MYBPC1: variants seen among roughly 807,000 people sequenced by gnomAD.
MYBPC1 encodes myosin-binding protein C, slow-type.
MYBPC1 carries 52 observed loss-of-function variants against 147.1 expected under a neutral mutation model. The ratio of observed to expected loss-of-function variants is 0.35; its 90% CI spans 0.28 to 0.45. The LOEUF (loss-of-function observed/expected upper bound fraction) is 0.45. Among genes scored for constraint, MYBPC1 ranks in the 20% least tolerant of loss-of-function variants. The pLI, the probability that MYBPC1 is intolerant of heterozygous loss-of-function variation, is 1.00. For missense variants in MYBPC1, 1,228 were observed against 1,440.3 expected, an observed-to-expected ratio of 0.85 and a Z score of 2.39; for synonymous variants, 477 against 475.9, an observed-to-expected ratio of 1.00 and a Z score of -0.03.
intron 8 of MYBPC1, among the ~76,000 whole-genome samples, chr12:101,633,689 CAA>C (rs757570762): frequency 4.0e-5 from 5 of 123,894 alleles, no homozygotes; most frequent in Admixed American, 8.0e-5. Flanking sequence ...TCCGTCTCAA[CAA>C]AAAAAAAAAA....
chr12:101,653,070 A>G (rs759470178), intron 17 of MYBPC1, 45 bp from the exon 18 acceptor site: 1 of 1,599,998 alleles, frequency 6.3e-7, no homozygotes, highest in South Asian at 1.1e-5. Context: ...AGATATTTAC[A>G]CAGAAATGAC....
At chr12:101,688,657 C>G (rs1001717782), downstream of MYBPC1, among the ~76,000 whole-genome samples, 15 of 152,056 alleles carry the variant, frequency 9.9e-5, 1 homozygote, top group South Asian at 2.7e-3. Flanking sequence ...TAGCTTGCAA[C>G]TTGATAAATA....
At chr12:101,659,238 A>G (rs989615095) in intron 18 of MYBPC1, among the ~76,000 whole-genome samples, 3 of 152,198 alleles carry the variant, frequency 2.0e-5, no homozygotes, top group East Asian at 1.9e-4. Context: ...ACAAATCATT[A>G]TTTAGTTTCT....
intron 4 of MYBPC1, 45 bp downstream of exon 4, chr12:101,626,955 T>C (rs1313617639): frequency 4.5e-6 from 7 of 1,545,624 alleles, no homozygotes; most frequent in Non-Finnish European, 6.3e-6. Context: ...AATATATTAT[T>C]CATTGACGGT....
At chr12:101,660,179 A>G in intron 19 of MYBPC1, 1 of 364,434 alleles carries the variant, frequency 2.7e-6, no homozygotes, top group Non-Finnish European at 5.3e-6. Flanking sequence ...CCAAAGCTGA[A>G]TAAAATGAGT....
intron 18 of MYBPC1, among the ~76,000 whole-genome samples, chr12:101,659,223 A>G (rs138582575): frequency 6.6e-6 from 1 of 152,362 alleles, no homozygotes; most frequent in Non-Finnish European, 1.5e-5. Flanking sequence ...CATCTAAGAA[A>G]ATGAACAAAT....
chr12:101,671,721 C>T (rs1898776949), intron 24 of MYBPC1, among the ~76,000 whole-genome samples: 1 of 152,178 alleles, frequency 6.6e-6, no homozygotes, highest in African/African-American at 2.4e-5. Context: ...CACAACTAAT[C>T]CCAGTTCCCA....
At chr12:101,609,155 C>T (rs1413758441) in intron 1 of MYBPC1, among the ~76,000 whole-genome samples, 1 of 152,150 alleles carries the variant, frequency 6.6e-6, no homozygotes, top group Admixed American at 6.5e-5. Flanking sequence ...AGGGTTCCCA[C>T]TCACATTTGA....
chr12:101,625,437 C>T (rs1000804135), intron 3 of MYBPC1, among the ~76,000 whole-genome samples: 2 of 152,224 alleles, frequency 1.3e-5, no homozygotes, highest in African/African-American at 2.4e-5. Flanking sequence ...TTCTACCACA[C>T]GATAAATAAC....
At chr12:101,624,719 G>A (rs113946796) in intron 3 of MYBPC1, among the ~76,000 whole-genome samples, 4,150 of 92,198 alleles carry the variant, frequency 0.045, 253 homozygotes, top group African/African-American at 0.15. Context: ...TACGGAGAGA[G>A]TCTTGTTATG....
At chr12:101,624,683 ATTTTTTTTT>A (rs57175970) in intron 3 of MYBPC1, among the ~76,000 whole-genome samples, 30 of 99,104 alleles carry the variant, frequency 3.0e-4, no homozygotes, top group African/African-American at 1.2e-3. Context: ...CGGCTAATTA[ATTTTTTTTT>A]TTTTTTTTTT....
chr12:101,679,417 G>A (rs1950788889), intron 28 of MYBPC1, among the ~76,000 whole-genome samples: 1 of 152,146 alleles, frequency 6.6e-6, no homozygotes, highest in African/African-American at 2.4e-5. Flanking sequence ...TTGACGGGTG[G>A]AAGGAAGAAG....
chr12:101,614,773 G>T, intron 2 of MYBPC1: 1 of 573,542 alleles, frequency 1.7e-6, no homozygotes, highest in Non-Finnish European at 3.1e-6. Context: ...CAATTCTTAT[G>T]AAACCTTTCA....
At chr12:101,671,975 A>G (rs1898834619) in intron 24 of MYBPC1, among the ~76,000 whole-genome samples, 1 of 152,194 alleles carries the variant, frequency 6.6e-6, no homozygotes. Context: ...TTGAGAAGGG[A>G]AGAAACTGAA....
intron 16 of MYBPC1, among the ~76,000 whole-genome samples, chr12:101,651,782 A>G (rs1894514481): frequency 6.6e-6 from 1 of 152,152 alleles, no homozygotes; most frequent in South Asian, 2.1e-4. Flanking sequence ...TCTACAAAAA[A>G]CACAAAAATT....
At chr12:101,679,283 A>G (rs1950778950) in intron 28 of MYBPC1, among the ~76,000 whole-genome samples, 1 of 152,204 alleles carries the variant, frequency 6.6e-6, no homozygotes, top group South Asian at 2.1e-4. Flanking sequence ...GGAGAGGTTC[A>G]CCCGGAGCCT....
chr12:101,626,885 C>T lies in MYBPC1; in HGVS notation c.117C>T (p.Val39=). The T allele has an allele frequency of 6.2e-7, 1 of 1,612,800 alleles. No individual in the cohort carries two copies. The highest frequency in any genetic ancestry group is 8.5e-7 in the Non-Finnish European group (1 of 1,178,772). ...GTTPAKDEEE[V]SPPSALPPGL... is the part of the protein sequence containing the mutation. ...TTCTTGTTTCAGATGAAGAGGAAGT[C>T]TCCCCGCCTAGCGCCTTGCCTCCAG... Residue 39 remains valine (V), a synonymous_variant, in exon 4 of 32, where the codon GTC becomes GTT. Coordinates refer to ENST00000361466, the MANE Select transcript of MYBPC1 (RefSeq NM_002465.4).
Position 101,648,148 on chromosome 12 carries a change from A to G in MYBPC1, c.1194A>G (p.Lys398=). ...CEVSEDDANV[K]WFKNGEEIIP... is the part of the protein sequence containing the mutation. ...TGTCTGAAGATGATGCCAATGTAAA[A>G]TGGTAAATAGCCTTAATGAAGTCTG... Residue 398 remains lysine, a splice_region_variant and synonymous_variant, in exon 14 of 32, where the codon AAA becomes AAG. Transcript: ENST00000361466. The G allele has an allele frequency of 2.5e-6, 4 of 1,604,784 alleles. No individual in the cohort carries two copies. The highest frequency in any genetic ancestry group is 3.4e-6 in the Non-Finnish European group (4 of 1,172,130).
intron 22 of MYBPC1, chr12:101,666,711 T>C (rs1475474010): frequency 6.3e-7 from 1 of 1,582,600 alleles, no homozygotes; most frequent in Admixed American, 1.7e-5. Context: ...AAAGTGGGTG[T>C]CTTTAATTAA....
Sources: gnomAD v4.1 joint callset for allele counts (sites outside exome capture counted in the v4.1 genomes callset) on GRCh38, gnomAD v4.1.1 for gene constraint, MANE v1.5 for transcripts, NCBI Gene and HGNC (gene_info 2026-07-23, HGNC 2026-07-21) for gene names.